SERAC1: variants seen among roughly 807,000 people sequenced by gnomAD.
SERAC1 encodes the protein protein SERAC1.
SERAC1 carries 36 observed loss-of-function variants against 85.7 expected under a neutral mutation model. The ratio of observed to expected loss-of-function variants is 0.42; its 90% CI spans 0.32 to 0.55. SERAC1 has a LOEUF of 0.55. SERAC1 is among the 20% of genes least tolerant of loss of function. SERAC1 has a pLI of 0.11. For synonymous variants in SERAC1, 242 were observed against 265.3 expected, an observed-to-expected ratio of 0.91 and a Z score of 0.85; for missense variants, 629 against 796.2, an observed-to-expected ratio of 0.79 and a Z score of 2.53.
chr6:158,121,233 T>C (rs1483951254), intron 10 of SERAC1, among the ~76,000 whole-genome samples: 1 of 152,156 alleles, frequency 6.6e-6, no homozygotes, highest in South Asian at 2.1e-4. Context: ...ACTAAACTTA[T>C]AAAGTCGTTA....
In SERAC1 at chr6:158,119,008, C is replaced by T; in HGVS notation, c.1308+21G>A. 1 of 1,606,128 alleles carries T rather than the reference C, an allele frequency of 6.2e-7. No individual in the cohort carries two copies. The highest frequency in any genetic ancestry group is 1.3e-5 in the African/African-American group (1 of 74,786). The stretch of plus-strand genomic sequence containing the variant: ...CAACCAGGGCCCCAGCAACCAGGGC[C>T]AGAGTCAGTGGCTCCCTTACCTTGG... On this transcript the variant is annotated intron_variant, in intron 12 of 16. Coordinates refer to ENST00000647468, the MANE Select transcript of SERAC1 (RefSeq NM_032861.4). The surrounding 1 kb of genome is among the most constrained non-coding windows in gnomAD (Gnocchi z 4.5).
chr6:158,156,888 A>G (rs903626714), intron 2 of SERAC1, among the ~76,000 whole-genome samples: 8 of 128,660 alleles, frequency 6.2e-5, no homozygotes, highest in East Asian at 4.3e-4. Flanking sequence ...AGATATTAAT[A>G]TATTTATATA....
intron 8 of SERAC1, among the ~76,000 whole-genome samples, chr6:158,134,114 T>C (rs1784740984): frequency 6.6e-6 from 1 of 152,254 alleles, no homozygotes; most frequent in South Asian, 2.1e-4. Context: ...TCTACACTGC[T>C]TTCAGCATTC....
intron 8 of SERAC1, among the ~76,000 whole-genome samples, chr6:158,139,581 G>C (rs1784870182): frequency 6.6e-6 from 1 of 152,074 alleles, no homozygotes; most frequent in African/African-American, 2.4e-5. Flanking sequence ...TGAGCAAAGG[G>C]AGCCATGGTG....
intron 16 of SERAC1, chr6:158,112,204 G>C (rs1204494794): frequency 6.5e-6 from 1 of 152,894 alleles, no homozygotes; most frequent in Non-Finnish European, 1.5e-5. Flanking sequence ...TTGAGGCCAG[G>C]AATTTGAGAC....
chr6:158,151,351 C>T (rs1001092666), intron 3 of SERAC1, among the ~76,000 whole-genome samples: 8 of 152,136 alleles, frequency 5.3e-5, no homozygotes, highest in African/African-American at 1.7e-4. Flanking sequence ...TTCAAGCCTG[C>T]GGCATGCTAT....
At chr6:158,155,292 A>C (rs1373359403) in intron 3 of SERAC1, 23 bp downstream of exon 3, 1 of 1,496,780 alleles carries the variant, frequency 6.7e-7, no homozygotes, top group Admixed American at 1.7e-5. Flanking sequence ...AAGCCAATTA[A>C]TATTCCACAG....
At chr6:158,161,584 G>T (rs1320544799) in intron 1 of SERAC1, 1 of 151,680 alleles carries the variant, frequency 6.6e-6, no homozygotes, top group East Asian at 1.9e-4. Context: ...GGACCACACT[G>T]CCTGGTTTCA....
In SERAC1 at chr6:158,130,455, A is replaced by G; in HGVS notation, c.770T>C (p.Leu257Pro). Reference protein sequence around the residue: ...GGLWCFGGNGLPYAESFGEVP... With the variant: ...GGLWCFGGNGPPYAESFGEVP... ...TTCTCCAAAACTTTCAGCATAAGGAAGTCCATTTCCTCCAAAACACCATAA... is the reference window on the plus strand; with the variant it reads ...TTCTCCAAAACTTTCAGCATAAGGAGGTCCATTTCCTCCAAAACACCATAA... Residue 257 changes from leucine (L) to proline (P), a missense_variant, in exon 9 of 17, where the codon CTT (leucine) becomes CCT (proline). Coordinates refer to ENST00000647468, the MANE Select transcript of SERAC1 (RefSeq NM_032861.4). 1 of 1,603,218 alleles carries G rather than the reference A, an allele frequency of 6.2e-7. No individual in the cohort carries two copies. The highest frequency in any genetic ancestry group is 8.5e-7 in the Non-Finnish European group (1 of 1,176,194).
intron 1 of SERAC1, among the ~76,000 whole-genome samples, chr6:158,162,779 G>C (rs1018782727): frequency 6.6e-6 from 1 of 152,010 alleles, no homozygotes; most frequent in Non-Finnish European, 1.5e-5. Context: ...CTTCCAGTTG[G>C]CTCACTTTCA....
chr6:158,132,186 T>C (rs827675), intron 8 of SERAC1, among the ~76,000 whole-genome samples: 80,697 of 152,018 alleles, frequency 0.53, 21,769 homozygotes, highest in African/African-American at 0.61. Flanking sequence ...AAAATGTATA[T>C]ATTAATATAA....
chr6:158,121,239 C>T (rs1209020260), intron 10 of SERAC1, among the ~76,000 whole-genome samples: 5 of 152,008 alleles, frequency 3.3e-5, no homozygotes, highest in South Asian at 4.1e-4. Flanking sequence ...CTTATAAAGT[C>T]GTTACCTTTT....
At chr6:158,143,304 TG>T in intron 7 of SERAC1, 120 bp from the exon 8 acceptor site, 1 of 732,484 alleles carries the variant, frequency 1.4e-6, no homozygotes, top group Non-Finnish European at 1.9e-6. Context: ...TATGTGTGCA[TG>T]TCTCTCTCTC....
chr6:158,150,707 T>A, intron 3 of SERAC1, 118 bp from the exon 4 acceptor site: 1 of 718,490 alleles, frequency 1.4e-6, no homozygotes, highest in African/African-American at 1.8e-5. Flanking sequence ...ACATAACATG[T>A]ATACAGTAAT....
In SERAC1 at chr6:158,110,115, G is replaced by C. The variant is rs2128408994; in HGVS notation, c.*1251C>G. The stretch of plus-strand genomic sequence containing the variant: ...ACTAAAAACCAATGAATTGAGCCTG[G>C]GAACAATGGCTCTGGCCTATAATCA... On this transcript the variant is annotated 3_prime_UTR_variant, in exon 17 of 17. Transcript: ENST00000647468. 6.6e-6 allele frequency: 1 copy of C among 152,306 alleles called. No individual in the cohort carries two copies. The allele number at this position is 152,306 out of a possible 1,614,324, so 9.4% of individuals were successfully genotyped here. A position where few individuals can be genotyped will look rare whatever the true frequency, so the allele number is the denominator to read the frequency against.
At chr6:158,129,842 C>T (rs542818438) in intron 9 of SERAC1, among the ~76,000 whole-genome samples, 1 of 151,954 alleles carries the variant, frequency 6.6e-6, no homozygotes, top group East Asian at 1.9e-4. Flanking sequence ...ATTACAGGTG[C>T]GCACCACCAC....
chr6:158,131,820 C>A (rs1435652188), intron 8 of SERAC1, among the ~76,000 whole-genome samples: 2 of 152,092 alleles, frequency 1.3e-5, no homozygotes, highest in African/African-American at 4.8e-5. Flanking sequence ...AGACTGAAAA[C>A]CAGCTAATAT....
intron 6 of SERAC1, 119 bp downstream of exon 6, chr6:158,146,663 G>T: frequency 8.0e-7 from 1 of 1,254,060 alleles, no homozygotes; most frequent in Non-Finnish European, 1.1e-6. Context: ...AACCAGCGTG[G>T]CCTCCCAAAG....
At position 158,155,500 on chromosome 6, in the gene SERAC1, T is replaced by A; in HGVS notation, c.92-149A>T. The A allele has an allele frequency of 5.3e-6, 3 of 561,886 alleles. No individual in the cohort carries two copies. The South Asian group carries it at 6.8e-5, about 13-fold the overall frequency. The allele number at this position is 561,886 out of a possible 1,614,324, so 34.8% of individuals were successfully genotyped here. On this transcript the variant is annotated intron_variant, in intron 2 of 16. Coordinates refer to ENST00000647468, the MANE Select transcript of SERAC1 (RefSeq NM_032861.4). ...AATATAATCAGTTGCTATTAATAAA[T>A]GGTCTCCTATCCTTAGACACAAACA...
Sources: allele counts gnomAD v4.1 joint callset (sites outside exome capture counted in the v4.1 genomes callset), GRCh38; gene constraint gnomAD v4.1.1; non-coding constraint Gnocchi (gnomAD v3.1); transcripts MANE v1.5; gene names NCBI Gene and HGNC (gene_info 2026-07-23, HGNC 2026-07-21).